Variants in SEMA5A observed in about 807,000 individuals in gnomAD.
SEMA5A encodes the protein semaphorin 5A, also known as semaphorin-5A.
In SEMA5A, 55 loss-of-function variants were observed where a neutral mutation model predicts 135.5. That is an observed-to-expected ratio of 0.41 (90% CI 0.33 to 0.51). SEMA5A has a LOEUF of 0.51. Among genes scored for constraint, SEMA5A ranks in the 20% least tolerant of loss-of-function variants. The pLI, the probability that SEMA5A is intolerant of heterozygous loss-of-function variation, is 0.37. For missense variants in SEMA5A, 1,290 were observed against 1,419.9 expected, an observed-to-expected ratio of 0.91 and a Z score of 1.47; for synonymous variants, 580 against 546.5, an observed-to-expected ratio of 1.06 and a Z score of -0.85.
chr5:9,332,898 C>T (rs1753220816), intron 4 of SEMA5A, among the ~76,000 whole-genome samples: 1 of 152,236 alleles, frequency 6.6e-6, no homozygotes, highest in South Asian at 2.1e-4. Flanking sequence ...CTGTGGGCCT[C>T]AATCCCACCA....
At chr5:9,083,973 C>T (rs1738539193) in intron 16 of SEMA5A, among the ~76,000 whole-genome samples, 1 of 152,104 alleles carries the variant, frequency 6.6e-6, no homozygotes, top group South Asian at 2.1e-4. Context: ...ATTTTAGTTA[C>T]CTTGAGCAAT....
At chr5:9,538,612 A>C (rs1295529860) in intron 1 of SEMA5A, among the ~76,000 whole-genome samples, 1 of 152,236 alleles carries the variant, frequency 6.6e-6, no homozygotes, top group African/African-American at 2.4e-5. Context: ...ACTCTAAGCA[A>C]TGACTGGGAA....
At chr5:9,081,201 A>G (rs547990772) in intron 16 of SEMA5A, among the ~76,000 whole-genome samples, 111 of 152,148 alleles carry the variant, frequency 7.3e-4, no homozygotes, top group Non-Finnish European at 1.2e-3. Flanking sequence ...GTGAGCTTGA[A>G]ACACTCAGTG....
Position 9,197,779 on chromosome 5 carries a change from TGTGTG to T in SEMA5A, c.933-481_933-477del, listed in dbSNP as rs1561011354. On this transcript the variant is annotated intron_variant, in intron 9 of 22. Coordinates refer to ENST00000382496, the MANE Select transcript of SEMA5A (RefSeq NM_003966.3). ...GTGTGTGTGTGTGTGTGTGTGTGTG[TGTGTG>T]TTTTAACCCAGATATTTGTTTTATT... is the stretch of plus-strand genomic sequence containing the variant. Among the ~76,000 whole-genome samples, 36 of 118,236 alleles carry T rather than the reference TGTGTG, an allele frequency of 3.0e-4. 1 individual carries two copies. Among genetic ancestry groups the T allele is most frequent in the South Asian group, 8.5e-4 (3 of 3,542 alleles). The allele number at this position is 118,236 out of a possible 152,430, so 77.6% of individuals were successfully genotyped here. A position where few individuals can be genotyped will look rare whatever the true frequency, so the allele number is the denominator to read the frequency against.
intron 9 of SEMA5A, among the ~76,000 whole-genome samples, chr5:9,200,656 T>C (rs1001427437): frequency 6.6e-6 from 1 of 152,208 alleles, no homozygotes; most frequent in South Asian, 2.1e-4. Context: ...ACTAGCCTTA[T>C]TTTTCTAACC....
chr5:9,269,909 G>A (rs576188823), intron 5 of SEMA5A, among the ~76,000 whole-genome samples: 8 of 152,108 alleles, frequency 5.3e-5, no homozygotes, highest in Admixed American at 5.2e-4. Context: ...AGAAGACTTA[G>A]TAGAGTAGGC....
chr5:9,231,578 A>G (rs1747634966), intron 6 of SEMA5A, among the ~76,000 whole-genome samples: 1 of 151,488 alleles, frequency 6.6e-6, no homozygotes, highest in African/African-American at 2.4e-5. Context: ...TTGCAGATCC[A>G]CTGGCAACGC....
intron 13 of SEMA5A, among the ~76,000 whole-genome samples, chr5:9,132,418 A>T (rs898966731): frequency 7.2e-5 from 11 of 152,186 alleles, no homozygotes; most frequent in Admixed American, 6.5e-4. Context: ...CCTTATAAAG[A>T]GTTGTGACAA....
chr5:9,114,465 T>TG (rs974216266), intron 15 of SEMA5A, among the ~76,000 whole-genome samples: 1 of 151,386 alleles, frequency 6.6e-6, no homozygotes, highest in Non-Finnish European at 1.5e-5. Flanking sequence ...TATGTTTTTT[T>TG]TGTGTGTGTG....
chr5:9,449,302 C>T (rs953138952), intron 1 of SEMA5A, among the ~76,000 whole-genome samples: 7 of 152,062 alleles, frequency 4.6e-5, no homozygotes, highest in Non-Finnish European at 7.4e-5. Context: ...TTATCCTCAG[C>T]GAACTAATGC....
At chr5:9,321,084 G>T (rs1434481195) in intron 4 of SEMA5A, among the ~76,000 whole-genome samples, 1 of 152,084 alleles carries the variant, frequency 6.6e-6, no homozygotes, top group Non-Finnish European at 1.5e-5. Context: ...ATGATACTGA[G>T]TGAGTCTCAT....
intron 1 of SEMA5A, among the ~76,000 whole-genome samples, chr5:9,471,741 C>T (rs1476079730): frequency 4.6e-5 from 7 of 152,174 alleles, no homozygotes; most frequent in Non-Finnish European, 8.8e-5. Context: ...AATAAGTCTG[C>T]ATGTACCCCT....
At position 9,154,811 on chromosome 5, in the gene SEMA5A, T is replaced by C. The variant is rs918057142; in HGVS notation, c.1274-116A>G. On this transcript the variant is annotated intron_variant, in intron 11 of 22. Transcript: ENST00000382496. The stretch of plus-strand genomic sequence containing the variant: ...TGGATCTTCAGCCAGGAAAGCCATC[T>C]GAGCATCCTTCAAAAACAGTACACC... 7.3e-5 allele frequency: 65 copies of C among 885,930 alleles called. 1 individual carries two copies. The highest frequency in any genetic ancestry group is 3.5e-4 in the South Asian group (22 of 62,760). The allele number at this position is 885,930 out of a possible 1,614,324, so 54.9% of individuals were successfully genotyped here.
At chr5:9,532,885 A>G (rs1737535422) in intron 1 of SEMA5A, among the ~76,000 whole-genome samples, 1 of 152,268 alleles carries the variant, frequency 6.6e-6, no homozygotes, top group South Asian at 2.1e-4. Context: ...TACAATAAAC[A>G]TGTCCTTGGT....
intron 2 of SEMA5A, among the ~76,000 whole-genome samples, chr5:9,384,655 GATAGATATAGATAGATAGAT>G (rs1755795471): frequency 8.6e-6 from 1 of 116,418 alleles, no homozygotes; most frequent in Admixed American, 8.7e-5. Flanking sequence ...TAGATAGATA[GATAGATATAGATAGATAGAT>G]ATAGATAGAT....
At chr5:9,176,925 T>C (rs1309780307) in intron 11 of SEMA5A, among the ~76,000 whole-genome samples, 46 of 152,184 alleles carry the variant, frequency 3.0e-4, no homozygotes, top group Non-Finnish European at 7.3e-5. Flanking sequence ...GAAATATGTA[T>C]CCTTAAAATA....
intron 1 of SEMA5A, among the ~76,000 whole-genome samples, chr5:9,457,874 T>C (rs902239544): frequency 7.1e-6 from 1 of 140,622 alleles, no homozygotes; most frequent in African/African-American, 2.7e-5. Context: ...GAAAGAAAAA[T>C]AATTCTTGAA....
chr5:9,280,882 G>T (rs1750508021), intron 5 of SEMA5A: 1 of 347,182 alleles, frequency 2.9e-6, no homozygotes, highest in Admixed American at 3.6e-5. Context: ...GTATGTGTAT[G>T]TGTATCTGTG....
chr5:9,165,366 T>C (rs1039606484), intron 11 of SEMA5A, among the ~76,000 whole-genome samples: 6 of 152,242 alleles, frequency 3.9e-5, no homozygotes, highest in African/African-American at 1.4e-4. Flanking sequence ...TGCAAAGCAT[T>C]GGATGGTGAA....
Sources: gnomAD v4.1 joint callset for allele counts (sites outside exome capture counted in the v4.1 genomes callset) on GRCh38, gnomAD v4.1.1 for gene constraint, MANE v1.5 for transcripts, NCBI Gene and HGNC (gene_info 2026-07-23, HGNC 2026-07-21) for gene names.